The following SLAIN2 variants were observed in gnomAD, a reference collection of about 807,000 sequenced individuals.
SLAIN2 encodes SLAIN family member 2, also known as SLAIN motif-containing protein 2.
In SLAIN2, 31 loss-of-function variants were observed where a neutral mutation model predicts 56.6. The observed-to-expected ratio is 0.55, with a 90% CI of 0.41 to 0.74. The LOEUF is 0.74. SLAIN2 is among the 30% of genes least tolerant of loss of function. The pLI is 0.00. For missense variants in SLAIN2, 777 were observed against 754.2 expected (o/e 1.03, Z -0.35); for synonymous variants, 317 against 284.9 (o/e 1.11, Z -1.13).
chr4:48,368,436 TG>T (rs1420240688), intron 1 of SLAIN2, among the ~76,000 whole-genome samples: 2 of 152,182 alleles, frequency 1.3e-5, no homozygotes, highest in East Asian at 3.8e-4. Context: ...GTGAGCCATG[TG>T]GGTAAATTAT....
chr4:48,388,373 T>C (rs1219126489), intron 6 of SLAIN2, among the ~76,000 whole-genome samples: 7 of 152,190 alleles, frequency 4.6e-5, no homozygotes, highest in Admixed American at 4.6e-4. Flanking sequence ...TTTCTAAGAC[T>C]GTTAAAGCAC....
chr4:48,378,610 G>A (rs975695521), intron 3 of SLAIN2, among the ~76,000 whole-genome samples: 1 of 152,066 alleles, frequency 6.6e-6, no homozygotes, highest in Non-Finnish European at 1.5e-5. Context: ...TCTTATTGTC[G>A]CTGAAGCTGT....
In SLAIN2 at chr4:48,379,750, A is replaced by G; in HGVS notation, c.764A>G (p.Glu255Gly). The G allele has an allele frequency of 6.3e-7, 1 of 1,594,400 alleles. No homozygotes were observed. The highest frequency in any genetic ancestry group is 1.1e-5 in the South Asian group (1 of 87,576). ...AGTCCTCAGTCCTCTATAGATAGTG[A>G]GTTAAGTGCTTCAGAATTAGATGAA... is the stretch of plus-strand genomic sequence containing the variant. ...PLSPQSSIDS[E>G]LSASELDEDS... Residue 255 changes from glutamate to glycine, a missense_variant, in exon 4 of 8, where the codon GAG (glutamate) becomes GGG (glycine). Transcript: ENST00000264313.
chr4:48,374,344 C>A (rs1443470199), intron 2 of SLAIN2, among the ~76,000 whole-genome samples: 2 of 152,038 alleles, frequency 1.3e-5, no homozygotes, highest in East Asian at 3.9e-4. Flanking sequence ...TCAAGCGATT[C>A]TTCTGCCTTA....
chr4:48,360,057 G>T (rs1176745834), intron 1 of SLAIN2, among the ~76,000 whole-genome samples: 6 of 152,044 alleles, frequency 3.9e-5, no homozygotes, highest in Non-Finnish European at 8.8e-5. Context: ...AGGAGGCTGA[G>T]GCAGGAGAAT....
At chr4:48,349,457 A>G (rs1283105524) in intron 1 of SLAIN2, among the ~76,000 whole-genome samples, 3 of 152,248 alleles carry the variant, frequency 2.0e-5, no homozygotes, top group East Asian at 1.9e-4. Context: ...TATTGAATGT[A>G]TACTTTCCCA....
chr4:48,361,304 A>G (rs1400533920), intron 1 of SLAIN2, among the ~76,000 whole-genome samples: 2 of 152,268 alleles, frequency 1.3e-5, no homozygotes, highest in Non-Finnish European at 2.9e-5. Context: ...ACATGCACAA[A>G]TGACCTAGAA....
At chr4:48,346,472 A>G (rs1250257306) in intron 1 of SLAIN2, among the ~76,000 whole-genome samples, 7 of 152,150 alleles carry the variant, frequency 4.6e-5, no homozygotes, top group Admixed American at 4.6e-4. Flanking sequence ...AAATGTCCCA[A>G]TTCAGAGCTA....
At chr4:48,418,820 C>A (rs1337218695) in intron 6 of SLAIN2, among the ~76,000 whole-genome samples, 1 of 151,778 alleles carries the variant, frequency 6.6e-6, no homozygotes, top group Non-Finnish European at 1.5e-5. Flanking sequence ...ATATGACTTT[C>A]CTCAAATTTC....
At chr4:48,418,079 T>A (rs1717044494) in intron 6 of SLAIN2, among the ~76,000 whole-genome samples, 1 of 150,642 alleles carries the variant, frequency 6.6e-6, no homozygotes, top group African/African-American at 2.5e-5. Flanking sequence ...TATTATTTCT[T>A]CTTCTTCTTC....
chr4:48,356,890 C>T (rs1430131322), intron 1 of SLAIN2, among the ~76,000 whole-genome samples: 2 of 152,066 alleles, frequency 1.3e-5, no homozygotes, highest in East Asian at 1.9e-4. Context: ...AGGTTATCTT[C>T]AGTTTACTCT....
intron 6 of SLAIN2, among the ~76,000 whole-genome samples, chr4:48,393,201 C>T (rs1359964316): frequency 2.6e-5 from 4 of 151,792 alleles, no homozygotes; most frequent in East Asian, 1.9e-4. Context: ...GGTGAAACCC[C>T]GTCTCTACTA....
At chr4:48,384,926 A>T (rs2109764726) in intron 6 of SLAIN2, among the ~76,000 whole-genome samples, 1 of 152,350 alleles carries the variant, frequency 6.6e-6, no homozygotes, top group Non-Finnish European at 1.5e-5. Flanking sequence ...CATTAATAAA[A>T]ACAATAATGA....
chr4:48,362,379 T>C (rs1441385020), intron 1 of SLAIN2, among the ~76,000 whole-genome samples: 1 of 151,934 alleles, frequency 6.6e-6, no homozygotes, highest in East Asian at 1.9e-4. Flanking sequence ...TTAAATTTAT[T>C]TATTTCTCTC....
chr4:48,369,689 A>G (rs1349520745), intron 1 of SLAIN2, among the ~76,000 whole-genome samples, 160 bp from the exon 2 acceptor site: 1 of 152,200 alleles, frequency 6.6e-6, no homozygotes, highest in Admixed American at 6.5e-5. Context: ...TTGTTTTACT[A>G]TAATTTTCTT....
intron 1 of SLAIN2, among the ~76,000 whole-genome samples, chr4:48,356,379 G>C (rs1439727078): frequency 5.9e-5 from 9 of 151,864 alleles, no homozygotes; most frequent in Non-Finnish European, 1.0e-4. Context: ...TGCAGTTGTA[G>C]CTGAAAAGAT....
chr4:48,344,085 G>GT (rs34976736), intron 1 of SLAIN2, among the ~76,000 whole-genome samples: 92,362 of 151,966 alleles, frequency 0.61, 28,371 homozygotes, highest in South Asian at 0.71. Context: ...CTGAGCATGA[G>GT]TTTGTTAAGG....
intron 6 of SLAIN2, among the ~76,000 whole-genome samples, chr4:48,405,155 T>C (rs1353016434): frequency 6.6e-6 from 1 of 152,224 alleles, no homozygotes; most frequent in Non-Finnish European, 1.5e-5. Context: ...CAATGCACAG[T>C]TTAATTAATT....
At chr4:48,383,397 A>G (rs1257720976) in intron 5 of SLAIN2, among the ~76,000 whole-genome samples, 1 of 152,024 alleles carries the variant, frequency 6.6e-6, no homozygotes, top group East Asian at 1.9e-4. Context: ...TGTTTTATGA[A>G]GTTACCTGTA....
Sources: allele counts gnomAD v4.1 joint callset (sites outside exome capture counted in the v4.1 genomes callset), GRCh38; gene constraint gnomAD v4.1.1; transcripts MANE v1.5; gene names NCBI Gene and HGNC (gene_info 2026-07-23, HGNC 2026-07-21).